The following PTPRD variants were observed in gnomAD, a reference collection of about 807,000 sequenced individuals.
PTPRD encodes the protein protein tyrosine phosphatase receptor type D.
A neutral mutation model predicts 214.5 loss-of-function variants in PTPRD; 34 were observed. The observed-to-expected ratio is 0.16, with a 90% CI of 0.12 to 0.21. PTPRD has a LOEUF of 0.21. Ranked by LOEUF, PTPRD falls within the 10% of genes least tolerant of loss-of-function variation. The probability of loss-of-function intolerance (pLI) is 1.00; values close to 1 mark genes in which losing one functional copy is unlikely to be tolerated. For missense variants in PTPRD, 2,545 were observed against 2,398.7 expected, an observed-to-expected ratio of 1.06 and a Z score of -1.27; for synonymous variants, 1,128 against 845.7, an observed-to-expected ratio of 1.33 and a Z score of -5.79.
intron 3 of PTPRD, among the ~76,000 whole-genome samples, chr9:10,279,291 T>A (rs2094947715): frequency 6.6e-6 from 1 of 152,172 alleles, no homozygotes; most frequent in Admixed American, 6.5e-5. Flanking sequence ...AAATCAGATA[T>A]CACCTTCATT....
At chr9:9,698,632 G>C (rs531752465) in intron 7 of PTPRD, among the ~76,000 whole-genome samples, 2 of 152,168 alleles carry the variant, frequency 1.3e-5, no homozygotes, top group Non-Finnish European at 2.9e-5. Flanking sequence ...GTCTCTGGCT[G>C]TCTTCAGGGA....
At chr9:8,782,871 C>T (rs1183111534) in intron 11 of PTPRD, among the ~76,000 whole-genome samples, 1 of 152,164 alleles carries the variant, frequency 6.6e-6, no homozygotes, top group Non-Finnish European at 1.5e-5. Flanking sequence ...GCTGGGATTA[C>T]AGGCCTGAGC....
intron 2 of PTPRD, among the ~76,000 whole-genome samples, chr9:10,582,687 T>C (rs2072366894): frequency 6.6e-6 from 1 of 152,138 alleles, no homozygotes; most frequent in Admixed American, 6.5e-5. Flanking sequence ...ATGCCTTAGA[T>C]AATCGTGTAA....
chr9:8,737,137 TAAG>T (rs1467424903), intron 11 of PTPRD, among the ~76,000 whole-genome samples: 1 of 152,034 alleles, frequency 6.6e-6, no homozygotes, highest in Non-Finnish European at 1.5e-5. Context: ...CTGAAGTGCA[TAAG>T]AAGACCAAAT....
chr9:9,171,062 C>T (rs2099913703), intron 10 of PTPRD, among the ~76,000 whole-genome samples: 1 of 152,128 alleles, frequency 6.6e-6, no homozygotes, highest in Non-Finnish European at 1.5e-5. Context: ...GGCAGCAGTA[C>T]CATGTTCTCA....
Position 10,328,225 on chromosome 9 carries a change from A to C in PTPRD, c.-545+12738T>G, listed in dbSNP as rs2096680738. On this transcript the variant is annotated intron_variant, in intron 3 of 45. Transcript: ENST00000381196. Reference sequence around the variant, plus strand: ...CTTAGTAGCTCAGAGACACAGATTAAGTTTTTTATTTTCTTATTTTTCTTA... The same window carrying C: ...CTTAGTAGCTCAGAGACACAGATTACGTTTTTTATTTTCTTATTTTTCTTA... Among the ~76,000 whole-genome samples the C allele has an allele frequency of 2.0e-5, 3 of 151,612 alleles. No individual in the cohort carries two copies. The South Asian group carries it at 6.2e-4, about 31-fold the overall frequency.
At chr9:10,367,172 TGGAATCACTTAGAGTAATGACAAAAA>T (rs2097532882) in intron 2 of PTPRD, among the ~76,000 whole-genome samples, 1 of 150,902 alleles carries the variant, frequency 6.6e-6, no homozygotes, top group Non-Finnish European at 1.5e-5. Flanking sequence ...TATTGAAAAA[TGGAATCACTTAGAGTAATGACAAAAA>T]TGTATTTAAC....
chr9:8,486,452 T>C lies in PTPRD; in HGVS notation c.2468-103A>G. The C allele has an allele frequency of 2.9e-6, 3 of 1,036,528 alleles. No homozygotes were observed. In the South Asian group the frequency reaches 3.8e-5, roughly 13 times the overall value. The allele number at this position is 1,036,528 out of a possible 1,614,324, so 64.2% of individuals were successfully genotyped here. A position where few individuals can be genotyped will look rare whatever the true frequency, so the allele number is the denominator to read the frequency against. Reference sequence around the variant, plus strand: ...CCACTCTACTGGTATTCCCATTTTCTTACTTACCAAAACAAAACAAAACAG... The same window carrying C: ...CCACTCTACTGGTATTCCCATTTTCCTACTTACCAAAACAAAACAAAACAG... On this transcript the variant is annotated intron_variant, in intron 27 of 45. Coordinates refer to ENST00000381196, the MANE Select transcript of PTPRD (RefSeq NM_002839.4).
intron 7 of PTPRD, among the ~76,000 whole-genome samples, chr9:9,580,366 A>T (rs560170837): frequency 8.6e-5 from 13 of 152,022 alleles, no homozygotes; most frequent in African/African-American, 3.1e-4. Context: ...GTTCTTGCCA[A>T]CACTTTTTTG....
At chr9:10,132,666 T>C (rs1053321412) in intron 3 of PTPRD, among the ~76,000 whole-genome samples, 1 of 152,120 alleles carries the variant, frequency 6.6e-6, no homozygotes, top group Non-Finnish European at 1.5e-5. Context: ...CAGAAAAAAG[T>C]AGAGAACAGA....
At chr9:9,643,605 C>T (rs2096046706) in intron 7 of PTPRD, among the ~76,000 whole-genome samples, 1 of 152,124 alleles carries the variant, frequency 6.6e-6, no homozygotes, top group Non-Finnish European at 1.5e-5. Flanking sequence ...TAGATCCTCA[C>T]TTTTAAACAT....
At chr9:8,538,811 C>T (rs2077613462) in intron 14 of PTPRD, among the ~76,000 whole-genome samples, 1 of 151,826 alleles carries the variant, frequency 6.6e-6, no homozygotes, top group South Asian at 2.1e-4. Context: ...ATGGTCACAC[C>T]TTGTATTCAG....
chr9:10,308,595 A>G (rs981426664), intron 3 of PTPRD, among the ~76,000 whole-genome samples: 2 of 152,080 alleles, frequency 1.3e-5, no homozygotes, highest in Non-Finnish European at 1.5e-5. Context: ...ATTTCTGTGA[A>G]TAATACCATT....
rs147014265 is a variant in PTPRD at position 8,577,974 on chromosome 9, G to T, written c.353-49195C>A. The stretch of plus-strand genomic sequence containing the variant: ...ACACATAATTGAGAAGGACTTTGAT[G>T]GTTTTCATCTTCCTTTCATTCTTCT... On this transcript the variant is annotated intron_variant, in intron 14 of 45. Transcript: ENST00000381196. 7.2e-4 allele frequency among the ~76,000 whole-genome samples: 109 copies of T among 152,134 alleles called. No homozygotes were observed. The East Asian group carries it at 0.02, about 28-fold the overall frequency.
intron 8 of PTPRD, among the ~76,000 whole-genome samples, chr9:9,554,722 G>C (rs2081105144): frequency 6.6e-6 from 1 of 151,962 alleles, no homozygotes; most frequent in Non-Finnish European, 1.5e-5. Context: ...CTGAGAAATA[G>C]AGATAAAAAG....
At chr9:9,993,320 C>A (rs756296870) in intron 4 of PTPRD, among the ~76,000 whole-genome samples, 1 of 152,088 alleles carries the variant, frequency 6.6e-6, no homozygotes. Flanking sequence ...AAAGAGCAAA[C>A]GATAAACATG....
At chr9:9,219,237 A>T in intron 9 of PTPRD, among the ~76,000 whole-genome samples, 1 of 152,142 alleles carries the variant, frequency 6.6e-6, no homozygotes, top group Non-Finnish European at 1.5e-5. Flanking sequence ...ACTGTCTGCA[A>T]AGATTTTTAG....
chr9:10,169,227 C>A (rs2099182718), intron 3 of PTPRD, among the ~76,000 whole-genome samples: 1 of 152,036 alleles, frequency 6.6e-6, no homozygotes, highest in African/African-American at 2.4e-5. Flanking sequence ...GTAATCCCAG[C>A]ACTTTGGGAG....
intron 11 of PTPRD, among the ~76,000 whole-genome samples, chr9:8,755,847 G>A (rs1431625789): frequency 6.6e-6 from 1 of 152,144 alleles, no homozygotes; most frequent in Non-Finnish European, 1.5e-5. Context: ...TAAATGACCA[G>A]CCCAAAGCAC....
Sources: allele counts gnomAD v4.1 joint callset (sites outside exome capture counted in the v4.1 genomes callset), GRCh38; gene constraint gnomAD v4.1.1; transcripts MANE v1.5; gene names NCBI Gene and HGNC (gene_info 2026-07-23, HGNC 2026-07-21).